Variants in CNOT4 observed in about 807,000 individuals in gnomAD.
CNOT4 encodes CCR4-NOT transcription complex subunit 4.
CNOT4 carries 8 observed loss-of-function variants against 73.8 expected under a neutral mutation model. The ratio of observed to expected loss-of-function variants is 0.11; its 90% CI spans 0.06 to 0.20. The LOEUF (loss-of-function observed/expected upper bound fraction) is 0.20. Ranked by LOEUF, CNOT4 falls within the 10% of genes least tolerant of loss-of-function variation. CNOT4 has a pLI of 1.00. For synonymous variants in CNOT4, 293 were observed against 321.1 expected, an observed-to-expected ratio of 0.91 and a Z score of 0.94; for missense variants, 564 against 883.4, an observed-to-expected ratio of 0.64 and a Z score of 4.58.
chr7:135,507,213 A>T (rs1804434233), intron 1 of CNOT4, among the ~76,000 whole-genome samples: 1 of 152,214 alleles, frequency 6.6e-6, no homozygotes, highest in African/African-American at 2.4e-5. Flanking sequence ...TCATTTGATT[A>T]TAACTGTCTC....
In CNOT4 at chr7:135,445,028, G is replaced by A. The variant is rs1409432905; in HGVS notation, c.-92-6605C>T. 9.9e-6 allele frequency: 8 copies of A among 806,378 alleles called. No homozygotes were observed. The Admixed American group carries it at 1.5e-4, about 15-fold the overall frequency. The allele number at this position is 806,378 out of a possible 1,614,324, so 50.0% of individuals were successfully genotyped here. A position where few individuals can be genotyped will look rare whatever the true frequency, so the allele number is the denominator to read the frequency against. ...ACAATAAGGAAGAAATAACAGATAA[G>A]TCTGTTGGTGGACAGCCTTCTTCTC... On this transcript the variant is annotated intron_variant, in intron 1 of 11. Transcript: ENST00000541284.
At chr7:135,472,885 C>G (rs780971587) in intron 1 of CNOT4, among the ~76,000 whole-genome samples, 1 of 151,592 alleles carries the variant, frequency 6.6e-6, no homozygotes, top group East Asian at 1.9e-4. Flanking sequence ...ATAAAAAAAC[C>G]AAAAGATTAG....
intron 10 of CNOT4, chr7:135,388,865 G>T (rs1444205963): frequency 1.9e-6 from 3 of 1,612,960 alleles, no homozygotes. Flanking sequence ...GTTGACAGTG[G>T]CATGGTCGAA....
At chr7:135,489,583 ATAGGGT>A (rs1802969762) in intron 1 of CNOT4, among the ~76,000 whole-genome samples, 1 of 151,704 alleles carries the variant, frequency 6.6e-6, no homozygotes, top group Non-Finnish European at 1.5e-5. Context: ...TTCAGTAGAG[ATAGGGT>A]TTCTCCATGT....
At chr7:135,481,428 G>C (rs1049687649) in intron 1 of CNOT4, among the ~76,000 whole-genome samples, 2 of 151,860 alleles carry the variant, frequency 1.3e-5, no homozygotes, top group Admixed American at 1.3e-4. Context: ...TAAAACACAC[G>C]GACACACACA....
chr7:135,371,957 A>C (rs1341173066), intron 10 of CNOT4, among the ~76,000 whole-genome samples: 1 of 152,200 alleles, frequency 6.6e-6, no homozygotes, highest in Admixed American at 6.5e-5. Context: ...CACAAAACTG[A>C]GCAGTGACCA....
intron 1 of CNOT4, among the ~76,000 whole-genome samples, chr7:135,501,669 G>C (rs1008574457): frequency 2.0e-5 from 3 of 152,068 alleles, no homozygotes; most frequent in Non-Finnish European, 2.9e-5. Flanking sequence ...GCTTCTTATT[G>C]CTTAGCAGAT....
At chr7:135,426,837 C>T (rs577381384) in intron 2 of CNOT4, among the ~76,000 whole-genome samples, 194 of 150,862 alleles carry the variant, frequency 1.3e-3, no homozygotes, top group African/African-American at 4.4e-3. Context: ...GCAGGAGAAT[C>T]GCTTGAACCC....
intron 2 of CNOT4, among the ~76,000 whole-genome samples, chr7:135,430,906 T>C (rs1026103368): frequency 1.1e-4 from 17 of 152,184 alleles, no homozygotes; most frequent in African/African-American, 3.6e-4. Flanking sequence ...ATCTTTCTTA[T>C]CACTTCTTTT....
At chr7:135,408,803 C>T (rs1354030169) in intron 7 of CNOT4, among the ~76,000 whole-genome samples, 4 of 152,060 alleles carry the variant, frequency 2.6e-5, no homozygotes, top group Non-Finnish European at 4.4e-5. Context: ...AACTGGGAAT[C>T]GATTTTTTTC....
chr7:135,421,988 G>A lies in CNOT4; in HGVS notation c.372+168C>T, dbSNP rs111859638. On this transcript the variant is annotated intron_variant, in intron 3 of 11. Coordinates refer to ENST00000541284, the MANE Select transcript of CNOT4 (RefSeq NM_001190850.2). Reference sequence around the variant, plus strand: ...GATTAAGACACTTGCCTAAGATCACGACTGGTCATTGGTTTCTTAGCAATT... The same window carrying A: ...GATTAAGACACTTGCCTAAGATCACAACTGGTCATTGGTTTCTTAGCAATT... Among the ~76,000 whole-genome samples, 53 of 152,282 alleles carry A rather than the reference G, an allele frequency of 3.5e-4. 1 individual carries two copies. The highest frequency in any genetic ancestry group is 1.2e-3 in the African/African-American group (49 of 41,554).
At position 135,422,473 on chromosome 7, in the gene CNOT4, A is replaced by G. The variant is rs2303344; in HGVS notation, c.175-120T>C. ...TCTGTTACATTCTCCCTTTATTAGA[A>G]TGTTTTAACTGCTTAAAAAATTTTT... On this transcript the variant is annotated intron_variant, in intron 2 of 11. Coordinates refer to ENST00000541284, the MANE Select transcript of CNOT4 (RefSeq NM_001190850.2). 4.3e-4 allele frequency: 256 copies of G among 589,510 alleles called. 2 individuals carry two copies. The East Asian group carries it at 6.9e-3, about 16-fold the overall frequency. 36.5% of individuals were successfully genotyped at this position (589,510 alleles called of 1,614,324 possible). A position where few individuals can be genotyped will look rare whatever the true frequency, so the allele number is the denominator to read the frequency against.
At chr7:135,441,155 ATGT>A (rs1213272322) in intron 1 of CNOT4, among the ~76,000 whole-genome samples, 4 of 152,144 alleles carry the variant, frequency 2.6e-5, no homozygotes, top group South Asian at 2.1e-4. Context: ...AGACACCAAA[ATGT>A]TGTTATTTCA....
At chr7:135,424,685 A>G (rs1025888069) in intron 2 of CNOT4, among the ~76,000 whole-genome samples, 1 of 152,160 alleles carries the variant, frequency 6.6e-6, no homozygotes, top group East Asian at 1.9e-4. Flanking sequence ...GCTACTTGGG[A>G]GGCTGAGGCA....
In CNOT4 at chr7:135,363,940, T is replaced by C. The variant is rs1231220145; in HGVS notation, c.1754A>G (p.His585Arg). The C allele has an allele frequency of 1.3e-6, 2 of 1,598,402 alleles. No individual in the cohort carries two copies. The highest frequency in any genetic ancestry group is 1.7e-6 in the Non-Finnish European group (2 of 1,179,768). Residue 585 changes from histidine (H) to arginine (R), a missense_variant, in exon 11 of 12, where the codon CAC becomes CGC. Coordinates refer to ENST00000541284, the MANE Select transcript of CNOT4 (RefSeq NM_001190850.2). The surrounding 1 kb of genome is among the most constrained non-coding windows in gnomAD (Gnocchi z 4.3). ...PNSSSPSNANHSAPTSNTATT... is the reference protein window; with the variant it reads ...PNSSSPSNANRSAPTSNTATT... ...GGCAGTGTTGGACGTTGGTGCACTG[T>C]GGTTGGCGTTGGAGGGGGAAGAAGA...
rs1803910090 is a variant in CNOT4 at position 135,500,811 on chromosome 7, A to G, written c.-93+9078T>C. Among the ~76,000 whole-genome samples the G allele has an allele frequency of 2.6e-5, 4 of 152,286 alleles. No homozygotes were observed. In the South Asian group the frequency reaches 8.3e-4, roughly 32 times the overall value. On this transcript the variant is annotated intron_variant, in intron 1 of 11. Coordinates refer to ENST00000541284, the MANE Select transcript of CNOT4 (RefSeq NM_001190850.2). The stretch of plus-strand genomic sequence containing the variant: ...GAGTAGTCTCCTAATAACCGTTCTG[A>G]ACTAATATACACATAGGAAGCAGGT...
At chr7:135,410,457 A>G in intron 7 of CNOT4, 58 bp downstream of exon 7, 1 of 1,156,212 alleles carries the variant, frequency 8.6e-7, no homozygotes. Flanking sequence ...TCTAAAATGA[A>G]AAGAGAAGAT....
intron 1 of CNOT4, among the ~76,000 whole-genome samples, chr7:135,465,008 T>C (rs1250192529): frequency 1.3e-5 from 2 of 152,112 alleles, no homozygotes; most frequent in African/African-American, 4.8e-5. Context: ...TTTGTATACA[T>C]ACTATTATTT....
intron 1 of CNOT4, among the ~76,000 whole-genome samples, chr7:135,501,087 A>T (rs1397057300): frequency 6.6e-6 from 1 of 150,968 alleles, no homozygotes; most frequent in Non-Finnish European, 1.5e-5. Flanking sequence ...GGGTTCAAGC[A>T]ATTATCCTAG....
Sources: allele counts gnomAD v4.1 joint callset (sites outside exome capture counted in the v4.1 genomes callset), GRCh38; gene constraint gnomAD v4.1.1; non-coding constraint Gnocchi (gnomAD v3.1); transcripts MANE v1.5; gene names NCBI Gene and HGNC (gene_info 2026-07-23, HGNC 2026-07-21).